Variants in CDH13 observed in about 807,000 individuals in gnomAD.
The protein encoded by CDH13 is cadherin-13.
A neutral mutation model predicts 63.8 loss-of-function variants in CDH13; 24 were observed. That is an observed-to-expected ratio of 0.38 (90% confidence interval 0.27 to 0.53). The LOEUF is 0.53. Ranked by LOEUF, CDH13 falls within the 20% of genes least tolerant of loss-of-function variation. The pLI is 0.85. For missense variants in CDH13, 1,049 were observed against 903.1 expected (o/e 1.16, Z -2.07); for synonymous variants, 503 against 355.3 (o/e 1.42, Z -4.67).
At chr16:83,185,903 C>G (rs148010161) in intron 4 of CDH13, among the ~76,000 whole-genome samples, 2 of 152,262 alleles carry the variant, frequency 1.3e-5, no homozygotes, top group East Asian at 1.9e-4. Context: ...CTGAGAACCT[C>G]TATGTCTTAT....
intron 3 of CDH13, among the ~76,000 whole-genome samples, chr16:83,057,834 T>C (rs2031106067): frequency 6.6e-6 from 1 of 152,214 alleles, no homozygotes; most frequent in Admixed American, 6.5e-5. Context: ...CACTTGTATT[T>C]TTTATGGTAC....
chr16:83,436,664 G>T (rs12148952), intron 6 of CDH13, among the ~76,000 whole-genome samples: 1 of 152,062 alleles, frequency 6.6e-6, no homozygotes, highest in Non-Finnish European at 1.5e-5. Context: ...CTATGCAGCC[G>T]TGATGTGCCA....
chr16:82,751,413 C>A (rs1042012504), intron 1 of CDH13, among the ~76,000 whole-genome samples: 2 of 152,146 alleles, frequency 1.3e-5, no homozygotes, highest in Non-Finnish European at 2.9e-5. Context: ...CCTGCCTCCT[C>A]ACTTCCCTGG....
chr16:83,449,221 T>C (rs2072809010), intron 6 of CDH13, among the ~76,000 whole-genome samples: 1 of 152,182 alleles, frequency 6.6e-6, no homozygotes, highest in Non-Finnish European at 1.5e-5. Context: ...ATTTATAATG[T>C]CAAGCCCTTG....
chr16:82,809,031 A>C (rs2037304170), intron 1 of CDH13, among the ~76,000 whole-genome samples: 1 of 152,134 alleles, frequency 6.6e-6, no homozygotes, highest in African/African-American at 2.4e-5. Flanking sequence ...TATGATTGTG[A>C]ACATGCATAT....
chr16:82,652,183 C>T (rs1424991239), intron 1 of CDH13, among the ~76,000 whole-genome samples: 1 of 152,176 alleles, frequency 6.6e-6, no homozygotes, highest in Admixed American at 6.5e-5. Context: ...GTTGGATCTC[C>T]ATTTCCCTGG....
At chr16:83,285,905 C>A (rs913368920) in intron 5 of CDH13, among the ~76,000 whole-genome samples, 8 of 152,140 alleles carry the variant, frequency 5.3e-5, no homozygotes, top group Admixed American at 1.3e-4. Flanking sequence ...AGAAGTGGGA[C>A]AAGGGTGTGG....
At chr16:82,735,371 C>T (rs912432246) in intron 1 of CDH13, among the ~76,000 whole-genome samples, 1 of 152,200 alleles carries the variant, frequency 6.6e-6, no homozygotes, top group African/African-American at 2.4e-5. Flanking sequence ...TGTCACATGG[C>T]TGGGTCTGTC....
chr16:83,309,216 C>T, intron 5 of CDH13, among the ~76,000 whole-genome samples: 1 of 152,068 alleles, frequency 6.6e-6, no homozygotes, highest in East Asian at 1.9e-4. Context: ...CCAGTGGGCT[C>T]CAAAGGGATT....
At chr16:82,730,349 G>T (rs974929457) in intron 1 of CDH13, among the ~76,000 whole-genome samples, 2 of 152,108 alleles carry the variant, frequency 1.3e-5, no homozygotes, top group African/African-American at 2.4e-5. Flanking sequence ...ACCATTGTAG[G>T]GTTATTCATT....
At chr16:82,907,484 C>A (rs960842833) in intron 2 of CDH13, among the ~76,000 whole-genome samples, 5 of 152,194 alleles carry the variant, frequency 3.3e-5, no homozygotes, top group Non-Finnish European at 5.9e-5. Context: ...TATGAAATAT[C>A]CAAACTGTCG....
At chr16:83,500,311 TCTC>T (rs1199721428) in intron 7 of CDH13, among the ~76,000 whole-genome samples, 1 of 1,026 alleles carries the variant, frequency 9.7e-4, no homozygotes, top group African/African-American at 1.1e-3. Context: ...TCCTTCTCCT[TCTC>T]CTTCTCCTCC....
At chr16:82,642,500 C>G (rs1000694925) in intron 1 of CDH13, among the ~76,000 whole-genome samples, 1 of 152,156 alleles carries the variant, frequency 6.6e-6, no homozygotes, top group Non-Finnish European at 1.5e-5. Flanking sequence ...TTCTCTCTCT[C>G]TTTGGTGGGA....
At chr16:83,477,220 C>G (rs534340187) in intron 6 of CDH13, among the ~76,000 whole-genome samples, 4 of 152,312 alleles carry the variant, frequency 2.6e-5, no homozygotes, top group Middle Eastern at 3.4e-3. Flanking sequence ...AATAAACAAC[C>G]TTTGAAAACA....
intron 6 of CDH13, among the ~76,000 whole-genome samples, chr16:83,477,592 G>A (rs185220067): frequency 5.9e-5 from 9 of 152,196 alleles, no homozygotes; most frequent in Admixed American, 6.5e-5. Flanking sequence ...GATCATTCTC[G>A]GACAGATGAT....
At chr16:82,938,927 A>G (rs572115379) in intron 2 of CDH13, among the ~76,000 whole-genome samples, 1 of 152,228 alleles carries the variant, frequency 6.6e-6, no homozygotes, top group South Asian at 2.1e-4. Context: ...TTGATTTGGG[A>G]ACACTTCCAA....
rs1186842051 is a variant in CDH13, at chr16:83,799,496, A to T, written c.*4466A>T. 3 of 152,144 alleles carry T rather than the reference A, an allele frequency of 2.0e-5. No individual in the cohort carries two copies. Among genetic ancestry groups the T allele is most frequent in the African/African-American group, 4.8e-5 (2 of 41,424 alleles). 9.4% of individuals were successfully genotyped at this position (152,144 alleles called of 1,614,324 possible). A position where few individuals can be genotyped will look rare whatever the true frequency, so the allele number is the denominator to read the frequency against. ...ATCTCTAAGTAGTTGCTGATTTTGT[A>T]AAGGTAGCCCATAAATCTGTTTACG... On this transcript the variant is annotated 3_prime_UTR_variant, in exon 14 of 14. Coordinates refer to ENST00000567109, the MANE Select transcript of CDH13 (RefSeq NM_001257.5).
chr16:83,528,755 C>T (rs1391190383), intron 7 of CDH13, among the ~76,000 whole-genome samples: 1 of 152,134 alleles, frequency 6.6e-6, no homozygotes, highest in Non-Finnish European at 1.5e-5. Flanking sequence ...ATGCTGAACA[C>T]AGTGTTGTTT....
chr16:83,058,643 C>T (rs966608789), intron 3 of CDH13, among the ~76,000 whole-genome samples: 2 of 152,172 alleles, frequency 1.3e-5, no homozygotes, highest in East Asian at 3.9e-4. Flanking sequence ...TGTTCCCATA[C>T]TGATGTTGTG....
Sources: gnomAD v4.1 joint callset for allele counts (sites outside exome capture counted in the v4.1 genomes callset) on GRCh38, gnomAD v4.1.1 for gene constraint, MANE v1.5 for transcripts, NCBI Gene and HGNC (gene_info 2026-07-23, HGNC 2026-07-21) for gene names.